SNRPB2: variants seen among roughly 807,000 people sequenced by gnomAD.
SNRPB2 encodes U2 small nuclear ribonucleoprotein B''.
Under a neutral mutation model 26.3 loss-of-function variants are expected in SNRPB2, and 16 were observed. The observed-to-expected ratio is 0.61, with a 90% confidence interval of 0.41 to 0.92. SNRPB2 has a LOEUF of 0.92. Ranked by LOEUF, SNRPB2 falls within the 40% of genes least tolerant of loss-of-function variation. The pLI, the probability that SNRPB2 is intolerant of heterozygous loss-of-function variation, is 0.00. For missense variants in SNRPB2, 179 were observed against 268.1 expected (o/e 0.67, Z 2.32); for synonymous variants, 75 against 89.0 (o/e 0.84, Z 0.88).
intron 3 of SNRPB2, among the ~76,000 whole-genome samples, chr20:16,735,371 C>A (rs1414358872): frequency 1.3e-5 from 2 of 149,994 alleles, no homozygotes; most frequent in Admixed American, 6.6e-5. Context: ...GGCAATAATT[C>A]TTTCAGCTCC....
intron 3 of SNRPB2, 178 bp downstream of exon 3, chr20:16,732,514 A>T (rs990470371): frequency 9.1e-5 from 40 of 441,886 alleles, no homozygotes; most frequent in African/African-American, 7.6e-4. Flanking sequence ...GACAGTTCAG[A>T]TGGGCAAAAA....
intron 3 of SNRPB2, among the ~76,000 whole-genome samples, chr20:16,734,042 ACAGTTTCT>A (rs2072410047): frequency 6.6e-6 from 1 of 152,208 alleles, no homozygotes; most frequent in African/African-American, 2.4e-5. Context: ...ACTTGAAAGT[ACAGTTTCT>A]TCCCATAGAG....
rs561886713 is a variant in SNRPB2 at position 16,734,708 on chromosome 20, G to A, written c.237+2372G>A. On this transcript the variant is annotated intron_variant, in intron 3 of 6. Transcript: ENST00000246071. ...CCTGGCCTCTACCCACAGGATGCCA[G>A]TAGCATAACAACGAGTAATGTCTCC... Among the ~76,000 whole-genome samples the A allele has an allele frequency of 3.3e-5, 5 of 152,336 alleles. No homozygotes were observed. In the South Asian group the frequency reaches 1.0e-3, roughly 32 times the overall value.
intron 3 of SNRPB2, among the ~76,000 whole-genome samples, chr20:16,734,634 CTT>C (rs2072413534): frequency 6.6e-6 from 1 of 152,118 alleles, no homozygotes; most frequent in Non-Finnish European, 1.5e-5. Context: ...ATGAGTGAGT[CTT>C]TGTTGCAGGG....
At chr20:16,732,369 G>T (rs756914114) in intron 3 of SNRPB2, 33 bp downstream of exon 3, 4 of 1,181,894 alleles carry the variant, frequency 3.4e-6, no homozygotes, top group South Asian at 2.8e-5. Context: ...CTTTAATCAA[G>T]AAATTAATGA....
chr20:16,734,549 G>C (rs915771283), intron 3 of SNRPB2, among the ~76,000 whole-genome samples: 2 of 152,166 alleles, frequency 1.3e-5, no homozygotes, highest in African/African-American at 4.8e-5. Context: ...TCTAAGTTGT[G>C]GTTAGACTTT....
At chr20:16,740,525 G>T in intron 6 of SNRPB2, 112 bp downstream of exon 6, 1 of 1,486,570 alleles carries the variant, frequency 6.7e-7, no homozygotes, top group Non-Finnish European at 8.9e-7. Context: ...CAGGTTCATT[G>T]ATTTGGTTTG....
At chr20:16,732,393 G>A in intron 3 of SNRPB2, 57 bp downstream of exon 3, 1 of 899,504 alleles carries the variant, frequency 1.1e-6, no homozygotes, top group East Asian at 2.6e-5. Context: ...TGATGGGACA[G>A]TAGATTTGTA....
intron 3 of SNRPB2, among the ~76,000 whole-genome samples, chr20:16,733,450 A>G (rs2072405904): frequency 6.6e-6 from 1 of 152,264 alleles, no homozygotes; most frequent in Non-Finnish European, 1.5e-5. Context: ...GCAGATGAAG[A>G]AACAGGCATA....
intron 3 of SNRPB2, among the ~76,000 whole-genome samples, chr20:16,734,433 G>A (rs1448562242): frequency 6.6e-6 from 1 of 152,186 alleles, no homozygotes; most frequent in Non-Finnish European, 1.5e-5. Flanking sequence ...TACTCTCTCT[G>A]ATTCAAGGGC....
At chr20:16,732,499 T>G (rs4814548) in intron 3 of SNRPB2, 163 bp downstream of exon 3, 169,110 of 486,906 alleles carry the variant, frequency 0.35, 31,177 homozygotes, top group East Asian at 0.63. Context: ...TAGAGTTTAA[T>G]TTATGACAGT....
chr20:16,739,039 G>GCAAT (rs1337996177), intron 5 of SNRPB2, 137 bp downstream of exon 5: 2 of 632,196 alleles, frequency 3.2e-6, no homozygotes, highest in African/African-American at 3.7e-5. Context: ...GTCTGCCACT[G>GCAAT]CAATGTAAGA....
At chr20:16,736,284 A>G (rs2072425668) in intron 3 of SNRPB2, among the ~76,000 whole-genome samples, 1 of 152,022 alleles carries the variant, frequency 6.6e-6, no homozygotes, top group African/African-American at 2.4e-5. Flanking sequence ...GACAGAGAAC[A>G]GATGAGTGTT....
Position 16,737,386 on chromosome 20 carries a change from C to T in SNRPB2, c.363C>T (p.Asn121=), listed in dbSNP as rs552555017. ...KTVEQTATTT[N]KKPGQGTPNS... is the part of the protein sequence containing the mutation. ...TGGAACAGACTGCAACAACCACAAA[C>T]AAAAAGCCTGGCCAGGTAAGAAAGA... Residue 121 remains asparagine, a synonymous_variant, in exon 4 of 7, where the codon AAC becomes AAT. Transcript: ENST00000246071. 1 of 1,584,854 alleles carries T rather than the reference C, an allele frequency of 6.3e-7. No individual in the cohort carries two copies. Among genetic ancestry groups the T allele is most frequent in the South Asian group, 1.2e-5 (1 of 84,318 alleles).
rs143956742 is a variant in SNRPB2, at chr20:16,732,186, C to T, written c.87C>T (p.Ala29=). 6.9e-6 allele frequency: 11 copies of T among 1,597,954 alleles called. No homozygotes were observed. In the African/African-American group the frequency reaches 1.1e-4, roughly 16 times the overall value. Residue 29 remains alanine, a synonymous_variant, in exon 3 of 7, where the codon GCC becomes GCT. Transcript: ENST00000246071. ...KKEELKRSLY[A]LFSQFGHVVD... The stretch of plus-strand genomic sequence containing the variant: ...CAGAATTGAAGAGATCCCTATATGC[C>T]CTGTTTTCTCAGTTTGGTCATGTGG...
intron 4 of SNRPB2, among the ~76,000 whole-genome samples, 160 bp from the exon 5 acceptor site, chr20:16,738,692 G>A (rs1164415948): frequency 6.6e-6 from 1 of 152,106 alleles, no homozygotes; most frequent in Non-Finnish European, 1.5e-5. Context: ...GAGTGTTTGA[G>A]TCAGTGTTAA....
At position 16,737,247 on chromosome 20, in the gene SNRPB2, A is replaced by T. The variant is rs1228261504; in HGVS notation, c.238-14A>T. On this transcript the variant is annotated splice_polypyrimidine_tract_variant and intron_variant, in intron 3 of 6. Transcript: ENST00000246071. Reference sequence around the variant, plus strand: ...CAGCATGAGAAGTAACCTGTTTTCAAATAATTAAAACAGCGAATACAGTAT... The same window carrying T: ...CAGCATGAGAAGTAACCTGTTTTCATATAATTAAAACAGCGAATACAGTAT... 1.3e-6 allele frequency: 2 copies of T among 1,566,846 alleles called. No individual in the cohort carries two copies. The highest frequency in any genetic ancestry group is 2.1e-5 in the Admixed American group (1 of 47,536).
At position 16,737,359 on chromosome 20, in the gene SNRPB2, T is replaced by C; in HGVS notation, c.336T>C (p.Thr112=). 1 of 1,604,242 alleles carries C rather than the reference T, an allele frequency of 6.2e-7. No homozygotes were observed. Among genetic ancestry groups the C allele is most frequent in the Non-Finnish European group, 8.5e-7 (1 of 1,177,740 alleles). ...AAAAAGAAAAGAAAAAAGCCAAAAC[T>C]GTGGAACAGACTGCAACAACCACAA... is the stretch of plus-strand genomic sequence containing the variant. ...EKKKEKKKAK[T]VEQTATTTNK... Residue 112 remains threonine, a synonymous_variant, in exon 4 of 7, where the codon ACT becomes ACC. Transcript: ENST00000246071.
rs768613886 is a variant in SNRPB2, at chr20:16,737,307, G to A, written c.284G>A (p.Arg95His). 1.2e-5 allele frequency: 20 copies of A among 1,605,372 alleles called. No individual in the cohort carries two copies. Among genetic ancestry groups the A allele is most frequent in the South Asian group, 2.3e-5 (2 of 88,594 alleles). Reference protein sequence around the residue: ...KTDSDIISKMRGTFADKEKKK... With the variant: ...KTDSDIISKMHGTFADKEKKK... ...GATTCGGATATAATATCAAAAATGC[G>A]TGGAACTTTTGCTGACAAAGAAAAG... Residue 95 changes from arginine to histidine, a missense_variant, in exon 4 of 7, where the codon CGT becomes CAT. Physicochemically the swap from Arg to His is conservative, Grantham distance 29 (BLOSUM62 0). This residue lies in a region of SNRPB2 where 145 missense variants were observed against 180.7 expected (regional missense o/e 0.80). Transcript: ENST00000246071.
Sources: allele counts gnomAD v4.1 joint callset (sites outside exome capture counted in the v4.1 genomes callset), GRCh38; gene constraint gnomAD v4.1.1; regional missense constraint gnomAD v4.1.1; transcripts MANE v1.5; gene names NCBI Gene and HGNC (gene_info 2026-07-23, HGNC 2026-07-21).